PTPRE: variants seen among roughly 807,000 people sequenced by gnomAD.
The protein encoded by PTPRE is protein tyrosine phosphatase receptor type E.
Under a neutral mutation model 102.0 loss-of-function variants are expected in PTPRE, and 51 were observed. The observed-to-expected ratio is 0.50, with a 90% CI of 0.40 to 0.63. PTPRE has a LOEUF of 0.63. Ranked by LOEUF, PTPRE falls within the 30% of genes least tolerant of loss-of-function variation. PTPRE has a pLI of 0.00. For missense variants in PTPRE, 752 were observed against 915.1 expected (o/e 0.82, Z 2.30); for synonymous variants, 345 against 348.2 (o/e 0.99, Z 0.10).
chr10:127,931,169 A>AT (rs199662431), intron 1 of PTPRE, among the ~76,000 whole-genome samples: 2,097 of 151,938 alleles, frequency 0.014, 58 homozygotes, highest in African/African-American at 0.048. Context: ...TTTAATTTGC[A>AT]TTTCCCTAGT....
At chr10:127,930,262 A>G (rs1234887148) in intron 1 of PTPRE, among the ~76,000 whole-genome samples, 2 of 152,058 alleles carry the variant, frequency 1.3e-5, no homozygotes, top group African/African-American at 2.4e-5. Context: ...AAAATCTGTC[A>G]TCATGCACCT....
intron 6 of PTPRE, among the ~76,000 whole-genome samples, chr10:128,053,627 G>T (rs777573472): frequency 6.6e-6 from 1 of 152,224 alleles, no homozygotes; most frequent in African/African-American, 2.4e-5. Flanking sequence ...GTGCATCTGG[G>T]TGGCTACGCC....
chr10:128,072,355 G>A, intron 16 of PTPRE, 141 bp downstream of exon 16: 2 of 786,018 alleles, frequency 2.5e-6, no homozygotes, highest in Non-Finnish European at 3.9e-6. Context: ...AGAATTACTT[G>A]CTTAAAAAAA....
intron 2 of PTPRE, among the ~76,000 whole-genome samples, chr10:128,007,547 A>G (rs1589985285): frequency 6.6e-6 from 1 of 152,194 alleles, no homozygotes; most frequent in Non-Finnish European, 1.5e-5. Context: ...AGAGCTTCCC[A>G]TACTTGTCCC....
At chr10:127,938,908 G>A (rs7083294) in intron 1 of PTPRE, among the ~76,000 whole-genome samples, 45,424 of 151,934 alleles carry the variant, frequency 0.3, 7,035 homozygotes, top group East Asian at 0.42. Flanking sequence ...GTTGGAATCA[G>A]TTTGGATGTG....
In PTPRE at chr10:128,079,604, T is replaced by C. The variant is rs958919118; in HGVS notation, c.1937T>C (p.Ile646Thr). The change falls in exon 20 of 21, where the codon ATT (isoleucine) becomes ACT (threonine). Residue 646 changes from isoleucine (I) to threonine (T), a missense_variant. This residue lies in a region of PTPRE where 636 missense variants were observed against 824.4 expected (regional missense o/e 0.77). Coordinates refer to ENST00000254667, the MANE Select transcript of PTPRE (RefSeq NM_006504.6). ...RTGTFIALSN[I>T]LERVKAEGLL... is the part of the protein sequence containing the mutation. ...GGTACATTCATAGCCCTCAGCAACA[T>C]TTTGGAGCGAGTAAAAGCCGAGGGA... 1 of 1,614,090 alleles carries C rather than the reference T, an allele frequency of 6.2e-7. No homozygotes were observed. Among genetic ancestry groups the C allele is most frequent in the Non-Finnish European group, 8.5e-7 (1 of 1,180,010 alleles).
chr10:127,957,263 C>T (rs1849472184), intron 1 of PTPRE, among the ~76,000 whole-genome samples: 1 of 152,204 alleles, frequency 6.6e-6, no homozygotes, highest in African/African-American at 2.4e-5. Context: ...GGTATAAAGC[C>T]TGTGTGTAGA....
At chr10:128,073,811 T>TAAACCC (rs1365127742) in intron 17 of PTPRE, among the ~76,000 whole-genome samples, 2 of 152,234 alleles carry the variant, frequency 1.3e-5, no homozygotes, top group African/African-American at 4.8e-5. Flanking sequence ...AAGACAACAG[T>TAAACCC]AAACCCAAGG....
Position 128,047,458 on chromosome 10 carries a change from C to G in PTPRE, c.178C>G (p.Leu60Val), listed in dbSNP as rs985682066. 4 of 1,613,442 alleles carry G rather than the reference C, an allele frequency of 2.5e-6. No homozygotes were observed. Among genetic ancestry groups the G allele is most frequent in the Admixed American group, 1.7e-5 (1 of 60,026 alleles). ...WLLLPLLLLL[L>V]VLLLAAYFFR... ...GCTACTGCCGCTGCTGCTCCTCCTCCTCGTGCTCCTTCTCGCCGCCTACTT... is the reference window on the plus strand; with the variant it reads ...GCTACTGCCGCTGCTGCTCCTCCTCGTCGTGCTCCTTCTCGCCGCCTACTT... The change falls in exon 4 of 21, where the codon CTC (leucine) becomes GTC (valine). Residue 60 changes from leucine to valine, a missense_variant. By Grantham distance (32) the Leu-to-Val change is conservative (BLOSUM62 1). Transcript: ENST00000254667.
chr10:128,031,656 C>A (rs760663078), intron 2 of PTPRE, among the ~76,000 whole-genome samples: 2 of 152,180 alleles, frequency 1.3e-5, no homozygotes, highest in South Asian at 2.1e-4. Flanking sequence ...TGTGACTCTG[C>A]CAGATGACGG....
intron 10 of PTPRE, 118 bp from the exon 11 acceptor site, chr10:128,065,957 C>A: frequency 6.9e-7 from 1 of 1,444,932 alleles, no homozygotes; most frequent in Non-Finnish European, 9.7e-7. Flanking sequence ...TGTTTCTCAG[C>A]TGTGGGAGCT....
chr10:128,014,937 C>A (rs1311179459), intron 2 of PTPRE, among the ~76,000 whole-genome samples: 1 of 152,196 alleles, frequency 6.6e-6, no homozygotes, highest in East Asian at 1.9e-4. Flanking sequence ...TCTGCAAGCT[C>A]AGGGACCAGC....
At chr10:127,969,908 A>T (rs1299251438) in intron 1 of PTPRE, among the ~76,000 whole-genome samples, 1 of 152,100 alleles carries the variant, frequency 6.6e-6, no homozygotes, top group Non-Finnish European at 1.5e-5. Flanking sequence ...GCTGCTGGCC[A>T]TGGGGACCCT....
intron 2 of PTPRE, chr10:127,998,262 A>G (rs544708985): frequency 6.6e-6 from 1 of 152,370 alleles, no homozygotes; most frequent in East Asian, 1.9e-4. Context: ...TTTGCAGACA[A>G]CTTAACGTCA....
chr10:128,077,326 G>A (rs112232618), intron 18 of PTPRE, among the ~76,000 whole-genome samples: 2,648 of 152,326 alleles, frequency 0.017, 60 homozygotes, highest in African/African-American at 0.044. Context: ...CTTCTCTCCA[G>A]CAGAGCTGCC....
chr10:128,077,429 C>A (rs1178660841), intron 18 of PTPRE, among the ~76,000 whole-genome samples, 188 bp from the exon 19 acceptor site: 4 of 152,240 alleles, frequency 2.6e-5, no homozygotes, highest in African/African-American at 9.6e-5. Context: ...GCACAGCCAG[C>A]CACCTGCCTT....
At chr10:128,058,643 C>T (rs1362567385) in intron 7 of PTPRE, among the ~76,000 whole-genome samples, 1 of 152,186 alleles carries the variant, frequency 6.6e-6, no homozygotes, top group Non-Finnish European at 1.5e-5. Context: ...GGGCAGGGAG[C>T]TCTCAGGGCT....
At chr10:127,972,975 A>G (rs1192026070) in intron 1 of PTPRE, among the ~76,000 whole-genome samples, 1 of 152,256 alleles carries the variant, frequency 6.6e-6, no homozygotes, top group Non-Finnish European at 1.5e-5. Context: ...TTGTAAAGAA[A>G]GAAAATAAAT....
chr10:127,994,393 T>C (rs1208467988), intron 2 of PTPRE, among the ~76,000 whole-genome samples: 1 of 152,198 alleles, frequency 6.6e-6, no homozygotes, highest in Non-Finnish European at 1.5e-5. Context: ...TACTTTATAT[T>C]GTCATTAAAG....
Sources: gnomAD v4.1 joint callset for allele counts (sites outside exome capture counted in the v4.1 genomes callset) on GRCh38, gnomAD v4.1.1 for gene constraint, gnomAD v4.1.1 regional missense constraint, MANE v1.5 for transcripts, NCBI Gene and HGNC (gene_info 2026-07-23, HGNC 2026-07-21) for gene names.